The following PLEKHH2 variants were observed in gnomAD, a reference collection of about 807,000 sequenced individuals.
PLEKHH2 encodes pleckstrin homology domain-containing family H member 2.
Under a neutral mutation model 187.9 loss-of-function variants are expected in PLEKHH2, and 129 were observed. The observed-to-expected ratio is 0.69, with a 90% CI of 0.59 to 0.79. PLEKHH2 has a LOEUF of 0.79. Ranked by LOEUF, PLEKHH2 falls within the 30% of genes least tolerant of loss-of-function variation. The pLI, the probability that PLEKHH2 is intolerant of heterozygous loss-of-function variation, is 0.00. For synonymous variants in PLEKHH2, 686 were observed against 605.6 expected, an observed-to-expected ratio of 1.13 and a Z score of -1.95; for missense variants, 2,076 against 1,751.2, an observed-to-expected ratio of 1.19 and a Z score of -3.31.
chr2:43,765,456 T>A lies in PLEKHH2; in HGVS notation c.4340T>A (p.Phe1447Tyr). 6.2e-7 allele frequency: 1 copy of A among 1,614,142 alleles called. No individual in the cohort carries two copies. Among genetic ancestry groups the A allele is most frequent in the South Asian group, 1.1e-5 (1 of 91,082 alleles). ...TLLIASYINN[F>Y]HQQKAAFHHL... ...TTGATCGCCAGTTACATAAACAACT[T>A]CCATCAGCAAAAGGCAGCATTTCAC... Residue 1447 changes from phenylalanine to tyrosine, a missense_variant, in exon 30 of 30, where the codon TTC becomes TAC. By Grantham distance (22) the Phe-to-Tyr change is conservative. Coordinates refer to ENST00000282406, the MANE Select transcript of PLEKHH2 (RefSeq NM_172069.4).
intron 2 of PLEKHH2, among the ~76,000 whole-genome samples, chr2:43,657,465 G>C (rs993680340): frequency 2.0e-5 from 3 of 152,192 alleles, no homozygotes; most frequent in African/African-American, 7.2e-5. Flanking sequence ...AGGGCTCCAA[G>C]AAAGAGCAAG....
At chr2:43,696,095 T>C (rs901285049) in intron 6 of PLEKHH2, among the ~76,000 whole-genome samples, 1 of 152,144 alleles carries the variant, frequency 6.6e-6, no homozygotes, top group Non-Finnish European at 1.5e-5. Context: ...CAATTGATAA[T>C]CCGCTGATAA....
chr2:43,727,406 G>A (rs75022417), intron 17 of PLEKHH2, among the ~76,000 whole-genome samples: 26,246 of 72,354 alleles, frequency 0.36, 3,801 homozygotes, highest in African/African-American at 0.57. Flanking sequence ...GCGAGACTCC[G>A]TCTCAAAAAA....
chr2:43,682,955 C>A (rs1668284061), intron 3 of PLEKHH2, among the ~76,000 whole-genome samples: 1 of 151,896 alleles, frequency 6.6e-6, no homozygotes, highest in East Asian at 1.9e-4. Context: ...CACACACACA[C>A]ACACACAATT....
chr2:43,696,858 A>G (rs1669118248), intron 6 of PLEKHH2, among the ~76,000 whole-genome samples: 1 of 152,184 alleles, frequency 6.6e-6, no homozygotes, highest in African/African-American at 2.4e-5. Context: ...AGGAAGCTAG[A>G]GCTCTCTAGT....
chr2:43,650,339 GC>G (rs1666408301), intron 2 of PLEKHH2, among the ~76,000 whole-genome samples: 1 of 151,762 alleles, frequency 6.6e-6, no homozygotes, highest in African/African-American at 2.4e-5. Context: ...CACCATGTTG[GC>G]CAGGCTGGTC....
chr2:43,650,902 C>T (rs1181966347), intron 2 of PLEKHH2, among the ~76,000 whole-genome samples: 2 of 151,990 alleles, frequency 1.3e-5, no homozygotes, highest in Non-Finnish European at 2.9e-5. Flanking sequence ...ACCTTGGGCT[C>T]CCAAAGTGCT....
At chr2:43,678,775 T>G in intron 2 of PLEKHH2, 88 bp from the exon 3 acceptor site, 1 of 993,136 alleles carries the variant, frequency 1.0e-6, no homozygotes. Context: ...GAGGTGGAGG[T>G]AGAATTATGA....
Position 43,765,686 on chromosome 2 carries a change from G to C in PLEKHH2, c.*88G>C. ...AAGTTCGTTTACACCTGGCAGCACG[G>C]CAGCCACACACCGGTATTCCAAACC... On this transcript the variant is annotated 3_prime_UTR_variant, in exon 30 of 30. Transcript: ENST00000282406. The C allele has an allele frequency of 7.8e-7, 1 of 1,278,962 alleles. No homozygotes were observed. Among genetic ancestry groups the C allele is most frequent in the Middle Eastern group, 2.7e-4 (1 of 3,752 alleles). 79.2% of individuals were successfully genotyped at this position (1,278,962 alleles called of 1,614,324 possible).
chr2:43,679,908 G>A (rs938462174), intron 3 of PLEKHH2, among the ~76,000 whole-genome samples: 2 of 152,142 alleles, frequency 1.3e-5, no homozygotes, highest in African/African-American at 4.8e-5. Flanking sequence ...CTGGCTTCAA[G>A]TGATGCTCAG....
intron 24 of PLEKHH2, among the ~76,000 whole-genome samples, chr2:43,747,088 TTCTG>T (rs1671811734): frequency 7.7e-6 from 1 of 130,606 alleles, no homozygotes; most frequent in African/African-American, 3.0e-5. Context: ...TTCTCTTTCT[TTCTG>T]TCTCTCTCTC....
At chr2:43,752,537 C>G (rs1381528773) in intron 24 of PLEKHH2, among the ~76,000 whole-genome samples, 1 of 152,150 alleles carries the variant, frequency 6.6e-6, no homozygotes, top group Non-Finnish European at 1.5e-5. Context: ...GGTGTGTCCT[C>G]TCCCACAAGT....
chr2:43,682,499 G>T (rs894090760), intron 3 of PLEKHH2, among the ~76,000 whole-genome samples: 2 of 152,042 alleles, frequency 1.3e-5, no homozygotes, highest in South Asian at 4.1e-4. Context: ...GAGAGATGGG[G>T]TTTCACCATG....
At chr2:43,659,802 G>C (rs566685152) in intron 2 of PLEKHH2, among the ~76,000 whole-genome samples, 39 of 151,940 alleles carry the variant, frequency 2.6e-4, no homozygotes, top group Admixed American at 9.8e-4. Context: ...CAAGTGATCC[G>C]CCTGCCTTGT....
chr2:43,650,195 G>T (rs1288975190), intron 2 of PLEKHH2, among the ~76,000 whole-genome samples: 1 of 134,364 alleles, frequency 7.4e-6, no homozygotes, highest in South Asian at 2.3e-4. Flanking sequence ...TTGTTGCCCA[G>T]GCTGAAGTGC....
At chr2:43,690,016 G>T (rs1668716589) in intron 3 of PLEKHH2, among the ~76,000 whole-genome samples, 1 of 152,130 alleles carries the variant, frequency 6.6e-6, no homozygotes, top group African/African-American at 2.4e-5. Context: ...TTCTTACTCA[G>T]TTACTTTTGT....
Position 43,766,453 on chromosome 2 carries a change from C to T in PLEKHH2, c.*855C>T, listed in dbSNP as rs972608645. On this transcript the variant is annotated 3_prime_UTR_variant, in exon 30 of 30. Transcript: ENST00000282406. ...TAATTATAGTTTGAAAATAGATTCC[C>T]TACACATACATACATATGTATGCAC... 19 of 152,662 alleles carry T rather than the reference C, an allele frequency of 1.2e-4. No homozygotes were observed. The highest frequency in any genetic ancestry group is 3.2e-3 in the Middle Eastern group (1 of 316). The allele number at this position is 152,662 out of a possible 1,614,324, so 9.5% of individuals were successfully genotyped here. A position where few individuals can be genotyped will look rare whatever the true frequency, so the allele number is the denominator to read the frequency against.
chr2:43,728,783 A>C (rs1435722639), intron 17 of PLEKHH2, among the ~76,000 whole-genome samples: 2 of 152,062 alleles, frequency 1.3e-5, no homozygotes, highest in Non-Finnish European at 2.9e-5. Context: ...GCTGGTCTCA[A>C]ACCCCTGACC....
At chr2:43,718,552 A>T (rs78136150) in intron 15 of PLEKHH2, among the ~76,000 whole-genome samples, 3 of 152,160 alleles carry the variant, frequency 2.0e-5, no homozygotes, top group Admixed American at 6.5e-5. Flanking sequence ...AAAAAAAAAA[A>T]TTCTAATACA....
Sources: gnomAD v4.1 joint callset for allele counts (sites outside exome capture counted in the v4.1 genomes callset) on GRCh38, gnomAD v4.1.1 for gene constraint, MANE v1.5 for transcripts, NCBI Gene and HGNC (gene_info 2026-07-23, HGNC 2026-07-21) for gene names.